CUL4A: variants seen among roughly 807,000 people sequenced by gnomAD.
The protein encoded by CUL4A is cullin-4A.
Under a neutral mutation model 95.5 loss-of-function variants are expected in CUL4A, and 16 were observed. That is an observed-to-expected ratio of 0.17 (90% confidence interval 0.11 to 0.25). CUL4A has a LOEUF of 0.25. CUL4A is among the 10% of genes least tolerant of loss of function. The pLI, the probability that CUL4A is intolerant of heterozygous loss-of-function variation, is 1.00. For synonymous variants in CUL4A, 380 were observed against 353.1 expected (o/e 1.08, Z -0.85); for missense variants, 610 against 937.0 (o/e 0.65, Z 4.56).
intron 12 of CUL4A, 91 bp downstream of exon 12, chr13:113,244,605 T>A: frequency 1.1e-6 from 1 of 869,636 alleles, no homozygotes; most frequent in Non-Finnish European, 1.9e-6. Context: ...AGAATGTCAG[T>A]ATCAGTAGAG....
Position 113,235,366 on chromosome 13 carries a change from T to A in CUL4A, c.848+221T>A, listed in dbSNP as rs376070669. On this transcript the variant is annotated intron_variant, in intron 8 of 19. Transcript: ENST00000375440. ...GAGTTACGTCTAAAGAGAGTAAATCTTGCTGAGATACTTGGCATCTTTGAG... is the reference window on the plus strand; with the variant it reads ...GAGTTACGTCTAAAGAGAGTAAATCATGCTGAGATACTTGGCATCTTTGAG... 1.1e-4 allele frequency among the ~76,000 whole-genome samples: 17 copies of A among 152,392 alleles called. No individual in the cohort carries two copies. The East Asian group carries it at 3.1e-3, about 28-fold the overall frequency.
intron 6 of CUL4A, 62 bp downstream of exon 6, chr13:113,233,401 T>C: frequency 1.4e-6 from 2 of 1,445,834 alleles, no homozygotes; most frequent in Middle Eastern, 2.5e-4. Flanking sequence ...CCAGAATAAA[T>C]GGTTGTACCA....
intron 2 of CUL4A, among the ~76,000 whole-genome samples, chr13:113,215,748 G>A (rs1376998783): frequency 7.2e-6 from 1 of 139,502 alleles, no homozygotes; most frequent in Non-Finnish European, 1.5e-5. Flanking sequence ...CCGTGTGGCT[G>A]TAGAGGTCGC....
chr13:113,232,849 C>G (rs374665013), intron 5 of CUL4A, among the ~76,000 whole-genome samples: 1 of 152,088 alleles, frequency 6.6e-6, no homozygotes, highest in African/African-American at 2.4e-5. Flanking sequence ...GCCCAACTGC[C>G]TGAGTGTCTC....
chr13:113,211,515 G>T (rs946274495), intron 2 of CUL4A, among the ~76,000 whole-genome samples: 26 of 152,162 alleles, frequency 1.7e-4, no homozygotes. Flanking sequence ...CTCCCGAGTC[G>T]CTGGGATTAC....
Position 113,263,730 on chromosome 13 carries a change from C to G in CUL4A, c.*148C>G. ...GAGGTGGCTCCTGGGTCATCTTTCA[C>G]AAGGCTCAAGACTTCAACCTGCAGA... On this transcript the variant is annotated 3_prime_UTR_variant, in exon 20 of 20. Coordinates refer to ENST00000375440, the MANE Select transcript of CUL4A (RefSeq NM_001008895.4). The G allele has an allele frequency of 2.0e-6, 1 of 492,128 alleles. No homozygotes were observed. 30.5% of individuals were successfully genotyped at this position (492,128 alleles called of 1,614,324 possible).
At chr13:113,208,236 G>C (rs1260729101), upstream of CUL4A, 3 of 1,469,614 alleles carry the variant, frequency 2.0e-6, no homozygotes, top group Admixed American at 4.6e-5. Context: ...ATCCGACACA[G>C]CACCGCCCAC....
At chr13:113,226,173 A>C (rs1202921852) in intron 3 of CUL4A, among the ~76,000 whole-genome samples, 2 of 152,134 alleles carry the variant, frequency 1.3e-5, no homozygotes, top group African/African-American at 4.8e-5. Flanking sequence ...ACTCCAGCTC[A>C]TGTCTGATTT....
At chr13:113,256,466 T>G (rs2042122286) in intron 18 of CUL4A, among the ~76,000 whole-genome samples, 1 of 152,194 alleles carries the variant, frequency 6.6e-6, no homozygotes, top group South Asian at 2.1e-4. Context: ...GTACTTGTCT[T>G]AGTTTGCTCT....
At chr13:113,260,836 G>C (rs1027690858) in intron 19 of CUL4A, 77 bp downstream of exon 19, 4 of 1,148,016 alleles carry the variant, frequency 3.5e-6, no homozygotes, top group Non-Finnish European at 5.0e-6. Context: ...TCTATGTTCA[G>C]TCATATCATT....
At chr13:113,261,613 G>A (rs1342901310) in intron 19 of CUL4A, among the ~76,000 whole-genome samples, 1 of 152,166 alleles carries the variant, frequency 6.6e-6, no homozygotes, top group Non-Finnish European at 1.5e-5. Context: ...GTCTCCTGTT[G>A]CCACTGCAAA....
In CUL4A at chr13:113,256,092, C is replaced by T. The variant is rs1056914925; in HGVS notation, c.2031+967C>T. On this transcript the variant is annotated intron_variant, in intron 18 of 19. Coordinates refer to ENST00000375440, the MANE Select transcript of CUL4A (RefSeq NM_001008895.4). Reference sequence around the variant, plus strand: ...ACATGCACCCATAGTCTCAGCTACTCGGGAGGGTCGCTTGATCCCGGGAGT... The same window carrying T: ...ACATGCACCCATAGTCTCAGCTACTTGGGAGGGTCGCTTGATCCCGGGAGT... Among the ~76,000 whole-genome samples the T allele has an allele frequency of 4.6e-5, 7 of 152,142 alleles. No homozygotes were observed. In the South Asian group the frequency reaches 6.2e-4, roughly 14 times the overall value.
chr13:113,209,488 C>T (rs573209699), upstream of CUL4A: 228 of 341,900 alleles, frequency 6.7e-4, no homozygotes, highest in Non-Finnish European at 8.1e-4. Context: ...GGCGCGGCGG[C>T]GGTTGGGCTC....
At chr13:113,214,849 C>T (rs994051573) in intron 2 of CUL4A, among the ~76,000 whole-genome samples, 2 of 152,174 alleles carry the variant, frequency 1.3e-5, no homozygotes, top group African/African-American at 4.8e-5. Context: ...CAGGTCTCAT[C>T]CTGTGTGGCT....
At chr13:113,229,858 G>C (rs542243172) in intron 5 of CUL4A, 29 of 465,508 alleles carry the variant, frequency 6.2e-5, no homozygotes, top group African/African-American at 3.0e-4. Flanking sequence ...GAGAAAGACT[G>C]CCTGCTGCCC....
intron 8 of CUL4A, among the ~76,000 whole-genome samples, chr13:113,236,286 C>T (rs1207861571): frequency 2.6e-5 from 4 of 152,148 alleles, no homozygotes; most frequent in Non-Finnish European, 4.4e-5. Flanking sequence ...TGTTGTGCTT[C>T]CTTCCAACTG....
chr13:113,244,179 A>G, intron 11 of CUL4A: 1 of 408,294 alleles, frequency 2.4e-6, no homozygotes. Flanking sequence ...AAGATAAGAA[A>G]GATATTTAAA....
rs771231044 is a variant in CUL4A, at chr13:113,260,657, T to C, written c.2082T>C (p.Tyr694=). The C allele has an allele frequency of 5.0e-6, 8 of 1,612,680 alleles. No individual in the cohort carries two copies. The highest frequency in any genetic ancestry group is 1.7e-4 in the Middle Eastern group (1 of 6,050). ...TTERVFQDRQ[Y]QIDAAIVRIM... is the part of the protein sequence containing the mutation. ...AGAGAGTGTTTCAGGATAGACAATA[T>C]CAGATTGATGCTGCTATCGTCAGAA... Residue 694 remains tyrosine, a synonymous_variant, in exon 19 of 20, where the codon TAT becomes TAC. Coordinates refer to ENST00000375440, the MANE Select transcript of CUL4A (RefSeq NM_001008895.4).
intron 8 of CUL4A, among the ~76,000 whole-genome samples, chr13:113,235,356 A>G (rs1409528412): frequency 1.3e-5 from 2 of 152,242 alleles, no homozygotes; most frequent in Non-Finnish European, 2.9e-5. Context: ...ACGTCTAAAG[A>G]GAGTAAATCT....
Sources: allele counts gnomAD v4.1 joint callset (sites outside exome capture counted in the v4.1 genomes callset), GRCh38; gene constraint gnomAD v4.1.1; transcripts MANE v1.5; gene names NCBI Gene and HGNC (gene_info 2026-07-23, HGNC 2026-07-21).